UIMC1: variants seen among roughly 807,000 people sequenced by gnomAD.
The protein encoded by UIMC1 is ubiquitin interaction motif containing 1.
UIMC1 carries 42 observed loss-of-function variants against 84.9 expected under a neutral mutation model. The observed-to-expected ratio is 0.49, with a 90% CI of 0.39 to 0.64. The LOEUF is 0.64. UIMC1 is among the 30% of genes least tolerant of loss of function. UIMC1 has a pLI of 0.00. For missense variants in UIMC1, 825 were observed against 847.6 expected (o/e 0.97, Z 0.33); for synonymous variants, 281 against 293.0 (o/e 0.96, Z 0.42).
At chr5:176,932,150 T>G (rs890834988) in intron 10 of UIMC1, among the ~76,000 whole-genome samples, 2 of 152,218 alleles carry the variant, frequency 1.3e-5, no homozygotes, top group Non-Finnish European at 2.9e-5. Context: ...GTCAGTACTG[T>G]GGGCATTCAA....
At chr5:177,005,912 G>A (rs544345510) in intron 1 of UIMC1, among the ~76,000 whole-genome samples, 248 of 152,308 alleles carry the variant, frequency 1.6e-3, no homozygotes, top group African/African-American at 5.7e-3. Flanking sequence ...TGTGGCGCTC[G>A]AGAAGCCTGC....
chr5:176,940,008 A>G (rs1764222276), intron 10 of UIMC1, among the ~76,000 whole-genome samples: 1 of 152,240 alleles, frequency 6.6e-6, no homozygotes, highest in African/African-American at 2.4e-5. Flanking sequence ...CTGATCCTGG[A>G]CACAGCAGAA....
chr5:176,923,000 C>T (rs1761893755), intron 10 of UIMC1, among the ~76,000 whole-genome samples: 2 of 152,216 alleles, frequency 1.3e-5, no homozygotes, highest in South Asian at 2.1e-4. Flanking sequence ...TGGAGTCTAA[C>T]TGCCTTTGAA....
chr5:176,991,803 G>C (rs991270936), intron 1 of UIMC1, among the ~76,000 whole-genome samples: 2 of 151,922 alleles, frequency 1.3e-5, no homozygotes, highest in Non-Finnish European at 1.5e-5. Context: ...GTGGTGGCAG[G>C]CAACTGTAGT....
At chr5:176,933,527 A>ATTTTTTTTTTTTT (rs11333768) in intron 10 of UIMC1, among the ~76,000 whole-genome samples, 1 of 147,796 alleles carries the variant, frequency 6.8e-6, no homozygotes. Flanking sequence ...GCTAGTTTAG[A>ATTTTTTTTTTTTT]TTTTTTTTTT....
intron 1 of UIMC1, among the ~76,000 whole-genome samples, chr5:177,014,864 C>T (rs1316351018): frequency 6.6e-6 from 1 of 152,120 alleles, no homozygotes; most frequent in Non-Finnish European, 1.5e-5. Context: ...GTAGAATATA[C>T]TGGGTCTCTT....
At chr5:176,976,584 G>A (rs868143284) in intron 2 of UIMC1, among the ~76,000 whole-genome samples, 9 of 152,144 alleles carry the variant, frequency 5.9e-5, no homozygotes, top group Non-Finnish European at 5.9e-5. Flanking sequence ...ATAAAACAGT[G>A]CCCCCACTGT....
chr5:176,997,062 C>A (rs537558192), intron 1 of UIMC1, among the ~76,000 whole-genome samples: 1 of 152,074 alleles, frequency 6.6e-6, no homozygotes, highest in Admixed American at 6.6e-5. Context: ...ATTTGAGAGC[C>A]CTGAGAAAAG....
chr5:176,908,312 A>AT (rs1581327819), intron 12 of UIMC1, among the ~76,000 whole-genome samples: 3 of 152,270 alleles, frequency 2.0e-5, no homozygotes, highest in South Asian at 2.1e-4. Context: ...GATTATTTAT[A>AT]TTTTTTTGAA....
Position 176,911,157 on chromosome 5 carries a change from AAAGAAAAGAAAAGAAAAG to A in UIMC1, c.1676+136_1676+153del, listed in dbSNP as rs758375150. Among the ~76,000 whole-genome samples the A allele has an allele frequency of 7.9e-3, 565 of 71,944 alleles. 22 individuals are homozygous for A. The highest frequency in any genetic ancestry group is 0.016 in the East Asian group (40 of 2,444). 47.2% of individuals were successfully genotyped at this position (71,944 alleles called of 152,430 possible). ...AAAGAAAAGAAAAGAAAAGAAAAGA[AAAGAAAAGAAAAGAAAAG>A]AAAATTCAGGCATCCAAGCAATGAA... On this transcript the variant is annotated intron_variant, in intron 11 of 14. Coordinates refer to ENST00000511320, the MANE Select transcript of UIMC1 (RefSeq NM_001199298.2).
chr5:176,988,305 T>C lies in UIMC1; in HGVS notation c.-8-5682A>G, dbSNP rs560315978. Among the ~76,000 whole-genome samples, 250 of 152,164 alleles carry C rather than the reference T, an allele frequency of 1.6e-3. 1 individual carries two copies. Among genetic ancestry groups the C allele is most frequent in the African/African-American group, 5.7e-3 (238 of 41,498 alleles). ...ACTGGAACTCTAGTACACTGTATTATTGATAGGATGTAAAATGGTGTAGCC... is the reference window on the plus strand; with the variant it reads ...ACTGGAACTCTAGTACACTGTATTACTGATAGGATGTAAAATGGTGTAGCC... On this transcript the variant is annotated intron_variant, in intron 1 of 14. Transcript: ENST00000511320.
chr5:176,991,991 G>A (rs903064667), intron 1 of UIMC1, among the ~76,000 whole-genome samples: 56 of 152,014 alleles, frequency 3.7e-4, no homozygotes, highest in African/African-American at 1.3e-3. Flanking sequence ...GTGTGGTGGT[G>A]CACACCTATA....
chr5:177,010,449 A>G (rs968649521), upstream of UIMC1, among the ~76,000 whole-genome samples: 1 of 152,220 alleles, frequency 6.6e-6, no homozygotes, highest in African/African-American at 2.4e-5. Flanking sequence ...TTATGCAAAT[A>G]ATACCACATG....
intron 2 of UIMC1, among the ~76,000 whole-genome samples, chr5:176,981,720 G>A (rs1287256378): frequency 6.6e-6 from 1 of 152,018 alleles, no homozygotes; most frequent in South Asian, 2.1e-4. Flanking sequence ...ACCAGGAGAA[G>A]GAAGGTGGAG....
At chr5:176,944,011 G>A (rs2149444067) in intron 9 of UIMC1, among the ~76,000 whole-genome samples, 1 of 152,162 alleles carries the variant, frequency 6.6e-6, no homozygotes, top group East Asian at 1.9e-4. Context: ...TGTGCCTGCT[G>A]GGTTTCACAT....
At chr5:176,963,170 A>T (rs1206923712) in intron 6 of UIMC1, among the ~76,000 whole-genome samples, 1 of 148,400 alleles carries the variant, frequency 6.7e-6, no homozygotes, top group East Asian at 2.0e-4. Context: ...AAAAAAAAAA[A>T]AAAAAAAAAA....
intron 8 of UIMC1, among the ~76,000 whole-genome samples, chr5:176,953,529 C>CA (rs1766187204): frequency 6.6e-6 from 1 of 151,768 alleles, no homozygotes; most frequent in Non-Finnish European, 1.5e-5. Context: ...CACACACACA[C>CA]ACCTTATTGG....
At chr5:176,983,590 C>T (rs1771389343) in intron 1 of UIMC1, among the ~76,000 whole-genome samples, 1 of 152,188 alleles carries the variant, frequency 6.6e-6, no homozygotes, top group African/African-American at 2.4e-5. Flanking sequence ...CTACAACCTC[C>T]ACCTCCCAGC....
intron 7 of UIMC1, among the ~76,000 whole-genome samples, chr5:176,956,556 C>A (rs917212116): frequency 6.6e-6 from 1 of 152,188 alleles, no homozygotes; most frequent in African/African-American, 2.4e-5. Context: ...CAGCAAAAAT[C>A]TGCCCACATA....
Sources: gnomAD v4.1 joint callset for allele counts (sites outside exome capture counted in the v4.1 genomes callset) on GRCh38, gnomAD v4.1.1 for gene constraint, MANE v1.5 for transcripts, NCBI Gene and HGNC (gene_info 2026-07-23, HGNC 2026-07-21) for gene names.